ATRX: variants seen among roughly 807,000 people sequenced by gnomAD.
The protein encoded by ATRX is chromatin remodeler ATRX.
Under a neutral mutation model 172.6 loss-of-function variants are expected in ATRX, and 12 were observed. That is an observed-to-expected ratio of 0.07 (90% CI 0.04 to 0.11). ATRX has a LOEUF of 0.11. ATRX is among the 10% of genes least tolerant of loss of function. ATRX has a pLI of 1.00. For missense variants in ATRX, 1,368 were observed against 1,767.4 expected, an observed-to-expected ratio of 0.77 and a Z score of 4.05; for synonymous variants, 674 against 594.7, an observed-to-expected ratio of 1.13 and a Z score of -1.94.
At chrX:77,656,751 T>C in intron 12 of ATRX, 98 bp from the exon 13 acceptor site, 6 of 675,241 alleles carry the variant, frequency 8.9e-6, no homozygotes, top group Admixed American at 5.8e-5. Flanking sequence ...CAGAGCATTG[T>C]AAGAACATCA....
intron 2 of ATRX, among the ~76,000 whole-genome samples, chrX:77,711,661 A>G (rs1401362650): frequency 9.0e-6 from 1 of 111,432 alleles, no homozygotes; most frequent in Non-Finnish European, 1.9e-5. Flanking sequence ...ATGGTGAAAC[A>G]CTGCCTCTAC....
chrX:77,514,308 G>A (rs982105223), intron 34 of ATRX, among the ~76,000 whole-genome samples: 18 of 112,033 alleles, frequency 1.6e-4, no homozygotes, highest in Middle Eastern at 4.7e-3. Context: ...CAAGGCAATC[G>A]TAAGCAAAAT....
chrX:77,774,676 C>CA lies in ATRX; in HGVS notation c.20+11305dup, dbSNP rs1401511655. Among the ~76,000 whole-genome samples the CA allele has an allele frequency of 8.9e-3, 851 of 95,507 alleles. 6 individuals are homozygous for CA. Among genetic ancestry groups the CA allele is most frequent in the Middle Eastern group, 0.011 (2 of 184 alleles). 82.9% of individuals were successfully genotyped at this position (95,507 alleles called of 115,157 possible). ...TGGGCGACAGTGTGAGACTCTGTCTCAAAAAAAAAAAAATGGTATTGTATC... is the reference window on the plus strand; with the variant it reads ...TGGGCGACAGTGTGAGACTCTGTCTCAAAAAAAAAAAAAATGGTATTGTATC... On this transcript the variant is annotated intron_variant, in intron 1 of 34. Coordinates refer to ENST00000373344, the MANE Select transcript of ATRX (RefSeq NM_000489.6).
chrX:77,566,695 G>A (rs782816655), intron 28 of ATRX, among the ~76,000 whole-genome samples: 1 of 111,605 alleles, frequency 9.0e-6, no homozygotes, highest in South Asian at 3.8e-4. Context: ...CAAGGCTGCA[G>A]TGAGCTGAAA....
chrX:77,650,896 C>T (rs988675132), intron 15 of ATRX, among the ~76,000 whole-genome samples: 9 of 111,863 alleles, frequency 8.0e-5, no homozygotes, highest in Non-Finnish European at 1.7e-4. Flanking sequence ...CCCATACCAA[C>T]TATTTTTTAA....
Position 77,741,860 on chromosome X carries a change from T to C in ATRX, c.21-24617A>G, listed in dbSNP as rs139178840. Among the ~76,000 whole-genome samples, 976 of 112,065 alleles carry C rather than the reference T, an allele frequency of 8.7e-3. 14 individuals are homozygous for C. The highest frequency in any genetic ancestry group is 0.03 in the African/African-American group (938 of 30,870). ...TGCTTTCTACATTATGTTTATGAAA[T>C]CATTGCCAAATCCCAGGTCATGAAA... On this transcript the variant is annotated intron_variant, in intron 1 of 34. Transcript: ENST00000373344.
chrX:77,690,541 G>A (rs1330445149), intron 6 of ATRX, among the ~76,000 whole-genome samples: 1 of 111,122 alleles, frequency 9.0e-6, no homozygotes. Flanking sequence ...ATAAATCACT[G>A]TAGCCTCAAA....
At chrX:77,582,628 C>T (rs540416028) in intron 27 of ATRX, among the ~76,000 whole-genome samples, 3 of 110,256 alleles carry the variant, frequency 2.7e-5, no homozygotes, top group African/African-American at 6.6e-5. Flanking sequence ...GAGAGAAGAC[C>T]CAAAAAAATA....
intron 15 of ATRX, among the ~76,000 whole-genome samples, chrX:77,638,962 TA>T (rs782818678): frequency 9.7e-4 from 109 of 112,565 alleles, no homozygotes; most frequent in Non-Finnish European, 1.7e-3. Context: ...AAGTATTCAC[TA>T]AATTATTACT....
chrX:77,589,713 A>T, intron 27 of ATRX, 121 bp downstream of exon 27: 1 of 568,045 alleles, frequency 1.8e-6, no homozygotes, highest in Admixed American at 3.7e-5. Context: ...ATTGCAAAAA[A>T]ATTTTGATAT....
intron 10 of ATRX, among the ~76,000 whole-genome samples, chrX:77,668,637 T>C: frequency 9.1e-6 from 1 of 110,050 alleles, no homozygotes; most frequent in East Asian, 2.8e-4. Flanking sequence ...AGCAAAACAA[T>C]ATGGGAGGAA....
intron 15 of ATRX, among the ~76,000 whole-genome samples, chrX:77,651,069 C>T (rs781902964): frequency 3.7e-4 from 40 of 108,303 alleles, no homozygotes; most frequent in African/African-American, 1.2e-3. Context: ...ATAGATGAAA[C>T]GGCCAGGCAT....
At chrX:77,633,760 T>A (rs1557106813) in intron 17 of ATRX, 48 bp from the exon 18 acceptor site, 8 of 1,131,115 alleles carry the variant, frequency 7.1e-6, no homozygotes, top group Admixed American at 6.8e-5. Flanking sequence ...CACAAAAAAA[T>A]TTAATAAATT....
chrX:77,592,650 T>A (rs968072784), intron 26 of ATRX, among the ~76,000 whole-genome samples: 2 of 107,218 alleles, frequency 1.9e-5, no homozygotes, highest in South Asian at 4.1e-4. Context: ...CCATCTCTAC[T>A]AAAAATACAA....
chrX:77,737,423 C>CA (rs1301190825), intron 1 of ATRX, among the ~76,000 whole-genome samples: 37 of 24,322 alleles, frequency 1.5e-3, no homozygotes, highest in African/African-American at 1.9e-3. Flanking sequence ...ACTCTGTCTC[C>CA]AAAAAAAAAA....
intron 27 of ATRX, among the ~76,000 whole-genome samples, chrX:77,582,760 T>C (rs1247237121): frequency 9.0e-6 from 1 of 111,624 alleles, no homozygotes; most frequent in African/African-American, 3.3e-5. Flanking sequence ...ATGGATAAAT[T>C]TCTAGACACA....
intron 1 of ATRX, among the ~76,000 whole-genome samples, chrX:77,761,250 G>C (rs1557192613): frequency 9.0e-6 from 1 of 111,611 alleles, no homozygotes; most frequent in African/African-American, 3.3e-5. Context: ...TATATTTAAA[G>C]GGTATGGCCA....
chrX:77,620,358 C>T (rs1557099180), intron 20 of ATRX, 37 bp downstream of exon 20: 3 of 1,187,285 alleles, frequency 2.5e-6, no homozygotes, highest in East Asian at 3.0e-5. Context: ...TGAGGAAATA[C>T]CAATATTCTA....
chrX:77,762,895 T>C (rs782750275), intron 1 of ATRX, among the ~76,000 whole-genome samples: 1 of 111,352 alleles, frequency 9.0e-6, no homozygotes, highest in Admixed American at 9.6e-5. Flanking sequence ...TGATGTGTAC[T>C]GGCACCAGAA....
Sources: allele counts gnomAD v4.1 joint callset (sites outside exome capture counted in the v4.1 genomes callset), GRCh38; gene constraint gnomAD v4.1.1; transcripts MANE v1.5; gene names NCBI Gene and HGNC (gene_info 2026-07-23, HGNC 2026-07-21).